HMGB1: variants seen among roughly 807,000 people sequenced by gnomAD.
HMGB1 encodes the protein high mobility group protein B1.
For missense variants in HMGB1, 79 were observed against 253.5 expected (o/e 0.31, Z 4.67); for synonymous variants, 81 against 84.0 (o/e 0.96, Z 0.19).
intron 1 of HMGB1, among the ~76,000 whole-genome samples, chr13:30,491,940 G>T (rs778674515): frequency 6.6e-6 from 1 of 152,114 alleles, no homozygotes; most frequent in Non-Finnish European, 1.5e-5. Context: ...AGGCCGAGGC[G>T]GGCAGATCAG....
chr13:30,612,298 G>T (rs886845566), intron 1 of HMGB1, among the ~76,000 whole-genome samples: 6 of 151,624 alleles, frequency 4.0e-5, no homozygotes, highest in African/African-American at 1.5e-4. Flanking sequence ...TAGAGTAGGG[G>T]TAGAGGACAG....
intron 1 of HMGB1, among the ~76,000 whole-genome samples, chr13:30,604,778 C>T (rs1950439050): frequency 6.6e-6 from 1 of 152,190 alleles, no homozygotes; most frequent in South Asian, 2.1e-4. Context: ...CCACCTCAGC[C>T]TCCCGAGTAG....
At position 30,456,773 on chromosome 13, in the gene HMGB1, T is replaced by TGG. The variant is rs1305995152; in HGVS notation, c.*4582_*4583dup. 6 of 17,842 alleles carry TGG rather than the reference T, an allele frequency of 3.4e-4. No homozygotes were observed. The highest frequency in any genetic ancestry group is 2.1e-3 in the South Asian group (1 of 482). 1.1% of individuals were successfully genotyped at this position (17,842 alleles called of 1,614,324 possible). A position where few individuals can be genotyped will look rare whatever the true frequency, so the allele number is the denominator to read the frequency against. ...AGCTTTTGTGGGCGGGGGGGGGGGGTGGTGGGGTGCAATTTATCAACATCT... is the reference window on the plus strand; with the variant it reads ...AGCTTTTGTGGGCGGGGGGGGGGGGTGGGGTGGGGTGCAATTTATCAACATCT... On this transcript the variant is annotated 3_prime_UTR_variant, in exon 5 of 5. Coordinates refer to ENST00000341423, the MANE Select transcript of HMGB1 (RefSeq NM_002128.7).
intron 1 of HMGB1, among the ~76,000 whole-genome samples, chr13:30,489,502 A>G (rs189304213): frequency 8.3e-4 from 126 of 152,352 alleles, no homozygotes; most frequent in Admixed American, 2.0e-3. Context: ...TGTTCGGTAC[A>G]TATTTTTAAC....
intron 1 of HMGB1, among the ~76,000 whole-genome samples, chr13:30,526,485 G>A (rs539643626): frequency 3.3e-5 from 5 of 152,200 alleles, no homozygotes; most frequent in Non-Finnish European, 7.3e-5. Context: ...AGAGAACAGT[G>A]AGACTGGTTC....
intron 1 of HMGB1, among the ~76,000 whole-genome samples, chr13:30,547,220 T>C (rs540351450): frequency 3.5e-4 from 54 of 152,364 alleles, no homozygotes; most frequent in African/African-American, 1.2e-3. Context: ...TTATATTCCA[T>C]TGTTTTATTC....
At chr13:30,510,881 T>C (rs1297193193) in intron 1 of HMGB1, among the ~76,000 whole-genome samples, 1 of 152,210 alleles carries the variant, frequency 6.6e-6, no homozygotes, top group Admixed American at 6.5e-5. Context: ...TCAGTTTCTC[T>C]CCAAATTCTA....
At chr13:30,564,498 G>A (rs771521698) in intron 1 of HMGB1, among the ~76,000 whole-genome samples, 31 of 151,754 alleles carry the variant, frequency 2.0e-4, no homozygotes, top group Non-Finnish European at 4.0e-4. Flanking sequence ...CAAACAAACC[G>A]CTGCCCTGTG....
intron 1 of HMGB1, among the ~76,000 whole-genome samples, chr13:30,586,776 C>T (rs1043914695): frequency 6.6e-6 from 1 of 151,974 alleles, no homozygotes; most frequent in African/African-American, 2.4e-5. Context: ...CAATCTTTTT[C>T]CTATGATTTC....
upstream of HMGB1, among the ~76,000 whole-genome samples, chr13:30,469,756 G>A (rs1009825925): frequency 2.0e-5 from 3 of 152,096 alleles, no homozygotes; most frequent in Admixed American, 2.0e-4. Context: ...TCAGCCTCCC[G>A]AACAGCTGTG....
chr13:30,607,575 C>T (rs559335327), intron 1 of HMGB1, among the ~76,000 whole-genome samples: 31 of 152,024 alleles, frequency 2.0e-4, no homozygotes, highest in African/African-American at 5.6e-4. Flanking sequence ...TACCCAGTCT[C>T]AGGTAGTTCT....
chr13:30,464,105 A>G (rs1886544756), intron 1 of HMGB1: 2 of 985,888 alleles, frequency 2.0e-6, no homozygotes, highest in Non-Finnish European at 2.4e-6. Flanking sequence ...GGAATAAACA[A>G]GGGCCTAAGC....
chr13:30,465,057 G>C lies in HMGB1; in HGVS notation c.-15+739C>G. On this transcript the variant is annotated intron_variant, in intron 1 of 4. Coordinates refer to ENST00000341423, the MANE Select transcript of HMGB1 (RefSeq NM_002128.7). Reference sequence around the variant, plus strand: ...GAACGCGGGGCTGTGAAAAGAGAGAGGAAAAAAAAAGTTGCCTCGGAACTG... The same window carrying C: ...GAACGCGGGGCTGTGAAAAGAGAGACGAAAAAAAAAGTTGCCTCGGAACTG... 3.0e-6 allele frequency: 2 copies of C among 675,406 alleles called. 1 individual carries two copies. Among genetic ancestry groups the C allele is most frequent in the Non-Finnish European group, 3.6e-6 (2 of 552,062 alleles). 41.8% of individuals were successfully genotyped at this position (675,406 alleles called of 1,614,324 possible). A position where few individuals can be genotyped will look rare whatever the true frequency, so the allele number is the denominator to read the frequency against.
rs141606303 is a variant in HMGB1 at position 30,481,496 on chromosome 13, G to A, written c.-14-17802C>T. 3.0e-3 allele frequency among the ~76,000 whole-genome samples: 456 copies of A among 152,344 alleles called. 4 individuals are homozygous for A. The highest frequency in any genetic ancestry group is 0.011 in the African/African-American group (437 of 41,582). On this transcript the variant is annotated intron_variant, in intron 1 of 4. Transcript: ENST00000405805. ...CAGAAGGAGTAATAAGAAAGAATGC[G>A]TATCTCCAAAAGCTGAAAGATTTGG...
At position 30,552,409 on chromosome 13, in the gene HMGB1, A is replaced by G. The variant is rs143151405; in HGVS notation, c.-15+64262T>C. ...TGAAATACTAAAATTTAATTTGAAT[A>G]TAGAGTTGATGCTCATATTTCTCCT... On this transcript the variant is annotated intron_variant, in intron 1 of 4. Transcript: ENST00000405805. 9.8e-5 allele frequency among the ~76,000 whole-genome samples: 15 copies of G among 152,320 alleles called. No homozygotes were observed. The East Asian group carries it at 2.7e-3, about 27-fold the overall frequency.
intron 1 of HMGB1, among the ~76,000 whole-genome samples, chr13:30,584,069 G>T (rs1359003289): frequency 1.3e-5 from 2 of 151,514 alleles, no homozygotes; most frequent in African/African-American, 4.8e-5. Flanking sequence ...AGAAGAGAGA[G>T]AGAGAGAGAG....
intron 1 of HMGB1, among the ~76,000 whole-genome samples, chr13:30,525,085 A>G (rs2137479098): frequency 6.6e-6 from 1 of 152,234 alleles, no homozygotes; most frequent in East Asian, 1.9e-4. Flanking sequence ...CTATTAAAAT[A>G]ATAGAAGTTT....
At chr13:30,551,838 T>G (rs1207720407) in intron 1 of HMGB1, among the ~76,000 whole-genome samples, 6 of 152,136 alleles carry the variant, frequency 3.9e-5, no homozygotes, top group Admixed American at 3.9e-4. Flanking sequence ...CCTGAGTAGC[T>G]GGGACCACAG....
At chr13:30,586,293 T>G (rs1272663973) in intron 1 of HMGB1, among the ~76,000 whole-genome samples, 2 of 152,102 alleles carry the variant, frequency 1.3e-5, no homozygotes, top group Non-Finnish European at 1.5e-5. Flanking sequence ...CCCTGTTATT[T>G]TCCTCCTACA....
Sources: gnomAD v4.1 joint callset for allele counts (sites outside exome capture counted in the v4.1 genomes callset) on GRCh38, gnomAD v4.1.1 for gene constraint, MANE v1.5 for transcripts, NCBI Gene and HGNC (gene_info 2026-07-23, HGNC 2026-07-21) for gene names.